INTS7: variants seen among roughly 807,000 people sequenced by gnomAD.
INTS7 encodes the protein chromosome 1 open reading frame 73.
INTS7 carries 46 observed loss-of-function variants against 109.2 expected under a neutral mutation model. That is an observed-to-expected ratio of 0.42 (90% CI 0.33 to 0.54). INTS7 has a LOEUF of 0.54. Ranked by LOEUF, INTS7 falls within the 20% of genes least tolerant of loss-of-function variation. The pLI is 0.07. For synonymous variants in INTS7, 412 were observed against 402.9 expected, an observed-to-expected ratio of 1.02 and a Z score of -0.27; for missense variants, 929 against 1,132.4, an observed-to-expected ratio of 0.82 and a Z score of 2.58.
chr1:212,034,309 T>A (rs181166363), intron 1 of INTS7, among the ~76,000 whole-genome samples: 1 of 152,262 alleles, frequency 6.6e-6, no homozygotes, highest in Non-Finnish European at 1.5e-5. Flanking sequence ...GAGAAACTCT[T>A]ATTTAGACTA....
rs1229001543 is a variant in INTS7, at chr1:211,959,712, GA to G, written c.2183+6717del. On this transcript the variant is annotated intron_variant, in intron 16 of 19. Transcript: ENST00000366994. This position sits in a 1 kb window ranked among gnomAD's most constrained non-coding sequence, Gnocchi z 4.2. ...TTGCCCTGGGAGTGAAACCAGGCGT[GA>G]ACAACAATGGACCTTCCCCTGCCCT... Among the ~76,000 whole-genome samples the G allele has an allele frequency of 6.6e-6, 1 of 152,128 alleles. No individual in the cohort carries two copies. The highest frequency in any genetic ancestry group is 1.5e-5 in the Non-Finnish European group (1 of 68,022).
intron 8 of INTS7, among the ~76,000 whole-genome samples, chr1:211,986,520 G>C (rs1229075252): frequency 6.6e-6 from 1 of 152,146 alleles, no homozygotes; most frequent in Admixed American, 6.6e-5. Context: ...GAGCAACCAA[G>C]ACCACAGCCC....
At chr1:211,948,360 C>T (rs1662931270) in intron 17 of INTS7, among the ~76,000 whole-genome samples, 1 of 152,220 alleles carries the variant, frequency 6.6e-6, no homozygotes, top group Non-Finnish European at 1.5e-5. Context: ...CATTAATCAG[C>T]TTCCTGCAAC....
chr1:212,030,340 G>C (rs1667101110), intron 1 of INTS7, among the ~76,000 whole-genome samples: 1 of 151,500 alleles, frequency 6.6e-6, no homozygotes, highest in South Asian at 2.1e-4. Context: ...CCAGGCTGGA[G>C]TGCAATGGCA....
chr1:211,973,231 C>T (rs1335214939), intron 13 of INTS7, among the ~76,000 whole-genome samples: 2 of 152,170 alleles, frequency 1.3e-5, no homozygotes, highest in African/African-American at 4.8e-5. Flanking sequence ...CAGGCATGAG[C>T]CCCCACGCCT....
intron 1 of INTS7, 21 bp downstream of exon 1, chr1:212,035,323 T>C (rs770841668): frequency 6.5e-7 from 1 of 1,539,810 alleles, no homozygotes; most frequent in Non-Finnish European, 9.0e-7. Flanking sequence ...TTTCACCCAT[T>C]CAGCCCTCTC....
intron 8 of INTS7, among the ~76,000 whole-genome samples, chr1:211,986,198 C>T (rs1664886345): frequency 6.6e-6 from 1 of 152,018 alleles, no homozygotes; most frequent in Non-Finnish European, 1.5e-5. Context: ...AACTAAGGTG[C>T]CTCAGCAGAA....
At position 211,941,937 on chromosome 1, in the gene INTS7, T is replaced by TG; in HGVS notation, c.2775dup (p.Ile926HisfsTer42). ...GGGTCTTCCAGGGATTTTACAAATATGGTAGTTCTGGGACCAGTCTTCCAT... is the reference window on the plus strand; with the variant it reads ...GGGTCTTCCAGGGATTTTACAAATATGGGTAGTTCTGGGACCAGTCTTCCAT... On this transcript the variant is annotated frameshift_variant, in exon 20 of 20. Transcript: ENST00000366994. LOFTEE classifies it high-confidence loss of function. 6.2e-7 allele frequency: 1 copy of TG among 1,614,226 alleles called. No individual in the cohort carries two copies. Among genetic ancestry groups the TG allele is most frequent in the Non-Finnish European group, 8.5e-7 (1 of 1,180,044 alleles).
At chr1:211,981,057 T>C (rs1297190689) in intron 10 of INTS7, 36 bp downstream of exon 10, 1 of 1,296,910 alleles carries the variant, frequency 7.7e-7, no homozygotes, top group African/African-American at 1.5e-5. Context: ...GACCATCATA[T>C]ATATCTATTA....
At chr1:211,953,290 A>G (rs1193836841) in intron 16 of INTS7, among the ~76,000 whole-genome samples, 1 of 152,174 alleles carries the variant, frequency 6.6e-6, no homozygotes, top group East Asian at 1.9e-4. Flanking sequence ...GATAAGTTTA[A>G]CCTAGATTTC....
chr1:211,965,450 T>C (rs1234205173), intron 16 of INTS7, among the ~76,000 whole-genome samples: 1 of 152,174 alleles, frequency 6.6e-6, no homozygotes, highest in Non-Finnish European at 1.5e-5. Flanking sequence ...TAACTGTGTA[T>C]ATACCCAAAG....
intron 1 of INTS7, among the ~76,000 whole-genome samples, chr1:212,031,542 C>A (rs1235883186): frequency 6.6e-6 from 1 of 152,230 alleles, no homozygotes; most frequent in African/African-American, 2.4e-5. Flanking sequence ...GCACTCTGCA[C>A]AAAATCCAAC....
intron 4 of INTS7, among the ~76,000 whole-genome samples, chr1:212,012,534 T>G (rs1390907473): frequency 1.3e-5 from 2 of 152,160 alleles, no homozygotes; most frequent in Non-Finnish European, 2.9e-5. Context: ...GGTGAGAGGA[T>G]CACTTGAGTC....
intron 16 of INTS7, among the ~76,000 whole-genome samples, chr1:211,964,757 C>A (rs2102405282): frequency 6.6e-6 from 1 of 152,218 alleles, no homozygotes; most frequent in African/African-American, 2.4e-5. Flanking sequence ...GCTGGGATAA[C>A]CGATGTCATA....
At chr1:212,021,680 TAAAAAAA>T (rs1169512759) in intron 1 of INTS7, among the ~76,000 whole-genome samples, 1 of 127,046 alleles carries the variant, frequency 7.9e-6, no homozygotes, top group East Asian at 2.2e-4. Flanking sequence ...CCTCATCTCT[TAAAAAAA>T]AAAAAAAAAA....
chr1:212,014,870 A>G (rs1041601508), intron 4 of INTS7, among the ~76,000 whole-genome samples: 42 of 152,186 alleles, frequency 2.8e-4, no homozygotes, highest in African/African-American at 9.2e-4. Flanking sequence ...GCTGGAGTGC[A>G]GTGGTGTGAT....
chr1:211,992,641 G>A (rs1665194273), intron 7 of INTS7, among the ~76,000 whole-genome samples: 1 of 151,824 alleles, frequency 6.6e-6, no homozygotes, highest in Non-Finnish European at 1.5e-5. Context: ...TACAATTGTG[G>A]TACAGCACTC....
At chr1:211,965,693 A>G (rs936190509) in intron 16 of INTS7, among the ~76,000 whole-genome samples, 4 of 152,238 alleles carry the variant, frequency 2.6e-5, no homozygotes, top group African/African-American at 9.6e-5. Context: ...CTAACGCAGG[A>G]ACAGAAAACC....
intron 7 of INTS7, among the ~76,000 whole-genome samples, chr1:211,997,088 TAC>T (rs1355423416): frequency 2.6e-5 from 4 of 151,836 alleles, no homozygotes; most frequent in Non-Finnish European, 5.9e-5. Context: ...ACAAATTGGG[TAC>T]AGTGTATAGT....
Sources: allele counts gnomAD v4.1 joint callset (sites outside exome capture counted in the v4.1 genomes callset), GRCh38; gene constraint gnomAD v4.1.1; non-coding constraint Gnocchi (gnomAD v3.1); transcripts MANE v1.5; gene names NCBI Gene and HGNC (gene_info 2026-07-23, HGNC 2026-07-21).